Variants in ACTB observed in about 807,000 individuals in gnomAD.
ACTB encodes actin, cytoplasmic 1.
Under a neutral mutation model 30.5 loss-of-function variants are expected in ACTB, and 2 were observed. The observed-to-expected ratio is 0.07, with a 90% confidence interval of 0.03 to 0.21. The LOEUF is 0.21. ACTB is among the 10% of genes least tolerant of loss of function. ACTB has a pLI of 1.00. For synonymous variants in ACTB, 335 were observed against 217.6 expected (o/e 1.54, Z -4.75); for missense variants, 56 against 530.0 (o/e 0.11, Z 8.78).
In ACTB at chr7:5,527,636, AAAACCAAAAC is replaced by A; in HGVS notation, c.*102_*111del. 6.5e-7 allele frequency: 1 copy of A among 1,540,670 alleles called. No individual in the cohort carries two copies. Among genetic ancestry groups the A allele is most frequent in the Non-Finnish European group, 8.8e-7 (1 of 1,133,864 alleles). On this transcript the variant is annotated 3_prime_UTR_variant, in exon 6 of 6. Transcript: ENST00000646664. Reference sequence around the variant, plus strand: ...CCTGAGTCAAGCCAAAAAAAAAAAAAAAACCAAAACAAAACAAAAAAAACAAATAAAGCCA... The same window carrying A: ...CCTGAGTCAAGCCAAAAAAAAAAAAAAAAACAAAAAAAACAAATAAAGCCA...
At position 5,527,705 on chromosome 7, in the gene ACTB, G is replaced by T. The variant is rs1784795220; in HGVS notation, c.*43C>A. The T allele has an allele frequency of 2.5e-6, 4 of 1,612,120 alleles. No homozygotes were observed. Among genetic ancestry groups the T allele is most frequent in the Non-Finnish European group, 3.4e-6 (4 of 1,179,728 alleles). ...TCATCTTGTTTTCTGCGCAAGTTAG[G>T]TTTTGTCAAGAAAGGGTGTAACGCA... On this transcript the variant is annotated 3_prime_UTR_variant, in exon 6 of 6. Transcript: ENST00000646664.
Position 5,527,578 on chromosome 7 carries a change from C to G in ACTB, c.*170G>C. On this transcript the variant is annotated 3_prime_UTR_variant, in exon 6 of 6. Transcript: ENST00000646664. The stretch of plus-strand genomic sequence containing the variant: ...TTTGGGGGATGCTCGCTCCAACCGA[C>G]TGCTGTCACCTTCACCGTTCCAGTT... 9.1e-7 allele frequency: 1 copy of G among 1,096,268 alleles called. No homozygotes were observed. Among genetic ancestry groups the G allele is most frequent in the Non-Finnish European group, 1.3e-6 (1 of 762,200 alleles). The allele number at this position is 1,096,268 out of a possible 1,614,324, so 67.9% of individuals were successfully genotyped here.
intron 2 of ACTB, 42 bp downstream of exon 2, chr7:5,529,493 C>T: frequency 6.2e-7 from 1 of 1,612,290 alleles, no homozygotes; most frequent in Non-Finnish European, 8.5e-7. Flanking sequence ...CCCTTGCCTC[C>T]CGCCCGCTCC....
intron 4 of ACTB, 33 bp from the exon 5 acceptor site, chr7:5,528,218 C>T: frequency 6.2e-7 from 1 of 1,613,898 alleles, no homozygotes; most frequent in Non-Finnish European, 8.5e-7. Context: ...ACTTAGCTTC[C>T]ACAGCACAGC....
chr7:5,528,841 GTCT>G, intron 3 of ACTB, 122 bp from the exon 4 acceptor site: 1 of 1,427,740 alleles, frequency 7.0e-7, no homozygotes, highest in Non-Finnish European at 9.8e-7. Context: ...GGGATGGGGA[GTCT>G]GTTCAGACCT....
At chr7:5,530,325 C>G (rs1334001092) in intron 1 of ACTB, among the ~76,000 whole-genome samples, 199 bp downstream of exon 1, 1 of 152,058 alleles carries the variant, frequency 6.6e-6, no homozygotes, top group Non-Finnish European at 1.5e-5. Context: ...CGAGCGCGGC[C>G]TCGCGCCTCC....
chr7:5,527,991 G>T lies in ACTB; in HGVS notation c.984+13C>A, dbSNP rs757404770. 1.2e-6 allele frequency: 2 copies of T among 1,613,122 alleles called. No homozygotes were observed. The highest frequency in any genetic ancestry group is 1.1e-5 in the South Asian group (1 of 91,066). On this transcript the variant is annotated intron_variant, in intron 5 of 5. Coordinates refer to ENST00000646664, the MANE Select transcript of ACTB (RefSeq NM_001101.5). ...GACCTGCCCAGGTCAGCTCAGGCAG[G>T]AAAGACACCCACCTTGATCTTCATT...
rs1197579915 is a variant in ACTB at position 5,528,705 on chromosome 7, G to A, written c.378C>T (p.Thr126=). ...REKMTQIMFE[T]FNTPAMYVAI... ...CAACGTACATGGCTGGGGTGTTGAA[G>A]GTCTCAAACATGATCTGTAAGGCAG... Residue 126 remains threonine (T), a synonymous_variant, in exon 4 of 6, where the codon ACC becomes ACT. Coordinates refer to ENST00000646664, the MANE Select transcript of ACTB (RefSeq NM_001101.5). 5.6e-6 allele frequency: 9 copies of A among 1,613,636 alleles called. No homozygotes were observed. The Admixed American group carries it at 1.0e-4, about 18-fold the overall frequency.
chr7:5,529,562 G>A lies in ACTB; in HGVS notation c.96C>T (p.Pro32=), dbSNP rs755754152. The part of the protein sequence containing the change: ...AGDDAPRAVF[P]SIVGRPRHQG... ...GGTGCCTGGGGCGCCCCACGATGGAGGGGAAGACGGCCCGGGGGGCATCGT... is the reference window on the plus strand; with the variant it reads ...GGTGCCTGGGGCGCCCCACGATGGAAGGGAAGACGGCCCGGGGGGCATCGT... The change falls in exon 2 of 6, where the codon CCC becomes CCT. Residue 32 remains proline, a synonymous_variant. Coordinates refer to ENST00000646664, the MANE Select transcript of ACTB (RefSeq NM_001101.5). 2.5e-5 allele frequency: 40 copies of A among 1,611,512 alleles called. No individual in the cohort carries two copies. In the Admixed American group the frequency reaches 6.3e-4, roughly 26 times the overall value.
chr7:5,528,781 G>T, intron 3 of ACTB, 62 bp from the exon 4 acceptor site: 1 of 1,575,656 alleles, frequency 6.3e-7, no homozygotes, highest in African/African-American at 1.3e-5. Flanking sequence ...CAGGCCAGAC[G>T]GGGGACATGC....
chr7:5,530,146 T>C (rs1584264289), intron 1 of ACTB, among the ~76,000 whole-genome samples: 1 of 151,878 alleles, frequency 6.6e-6, no homozygotes, highest in Non-Finnish European at 1.5e-5. Flanking sequence ...CGCACGCAGT[T>C]AGCGCCCAAA....
rs772199214 is a variant in ACTB, at chr7:5,527,871, G to A, written c.1005C>T (p.Arg335=). The change falls in exon 6 of 6, where the codon CGC becomes CGT. Residue 335 remains arginine, a synonymous_variant. Coordinates refer to ENST00000646664, the MANE Select transcript of ACTB (RefSeq NM_001101.5). The part of the protein sequence containing the change: ...MKIKIIAPPE[R]KYSVWIGGSI... ...AGCCGCCGATCCACACGGAGTACTT[G>A]CGCTCAGGAGGAGCAATGATCTGAG... is the stretch of plus-strand genomic sequence containing the variant. 9.3e-6 allele frequency: 15 copies of A among 1,613,958 alleles called. No homozygotes were observed. Among genetic ancestry groups the A allele is most frequent in the Non-Finnish European group, 1.2e-5 (14 of 1,179,996 alleles).
At chr7:5,530,193 A>C (rs2128241593) in intron 1 of ACTB, among the ~76,000 whole-genome samples, 2 of 151,668 alleles carry the variant, frequency 1.3e-5, no homozygotes, top group African/African-American at 4.8e-5. Flanking sequence ...CCCAGCCCCC[A>C]CCGGGCCTGG....
At chr7:5,529,080 G>A (rs560194132) in intron 3 of ACTB, 81 bp downstream of exon 3, 5 of 1,613,396 alleles carry the variant, frequency 3.1e-6, no homozygotes, top group East Asian at 2.2e-5. Flanking sequence ...CGGCAGAAGA[G>A]AGAACCAGTG....
chr7:5,529,974 AG>A (rs1260872358), intron 1 of ACTB: 2 of 204,672 alleles, frequency 9.8e-6, no homozygotes, highest in African/African-American at 4.7e-5. Context: ...CGGCTCGGGC[AG>A]GAAGTGCGCG....
chr7:5,528,257 A>G (rs368944901), intron 4 of ACTB, 24 bp downstream of exon 4: 1 of 1,613,552 alleles, frequency 6.2e-7, no homozygotes, highest in Non-Finnish European at 8.5e-7. Flanking sequence ...TGTCAGGCAG[A>G]GCCGGGAGAC....
chr7:5,528,838 G>T, intron 3 of ACTB, 119 bp from the exon 4 acceptor site: 1 of 1,442,542 alleles, frequency 6.9e-7, no homozygotes, highest in Admixed American at 1.7e-5. Context: ...CTTGGGATGG[G>T]GAGTCTGTTC....
intron 1 of ACTB, 105 bp from the exon 2 acceptor site, chr7:5,529,768 A>C (rs1784844984): frequency 3.2e-6 from 5 of 1,558,228 alleles, no homozygotes; most frequent in Non-Finnish European, 4.4e-6. Context: ...GCGCGCCCAG[A>C]TTGGGGACAA....
rs190642491 is a variant in ACTB at position 5,527,835 on chromosome 7, G to A, written c.1041C>T (p.Ala347=). Residue 347 remains alanine (A), a synonymous_variant, in exon 6 of 6, where the codon GCC becomes GCT. Transcript: ENST00000646664. ...ACATCTGCTGGAAGGTGGACAGCGA[G>A]GCCAGGATGGAGCCGCCGATCCACA... The part of the protein sequence containing the change: ...YSVWIGGSIL[A]SLSTFQQMWI... 2.5e-5 allele frequency: 41 copies of A among 1,612,430 alleles called. No homozygotes were observed. The East Asian group carries it at 8.7e-4, about 34-fold the overall frequency.
Sources: gnomAD v4.1 joint callset for allele counts (sites outside exome capture counted in the v4.1 genomes callset) on GRCh38, gnomAD v4.1.1 for gene constraint, MANE v1.5 for transcripts, NCBI Gene and HGNC (gene_info 2026-07-23, HGNC 2026-07-21) for gene names.